Variants in BCL2 observed in about 807,000 individuals in gnomAD.
BCL2 encodes apoptosis regulator Bcl-2.
Under a neutral mutation model 14.2 loss-of-function variants are expected in BCL2, and 1 was observed. The observed-to-expected ratio is 0.07, with a 90% CI of 0.02 to 0.33. BCL2 has a LOEUF of 0.33. BCL2 is among the 10% of genes least tolerant of loss of function. The probability of loss-of-function intolerance (pLI) is 0.99; values close to 1 mark genes in which losing one functional copy is unlikely to be tolerated. For synonymous variants in BCL2, 151 were observed against 137.2 expected (o/e 1.10, Z -0.70); for missense variants, 247 against 305.9 (o/e 0.81, Z 1.44).
chr18:63,231,255 C>CCTA (rs1387456736), intron 2 of BCL2, among the ~76,000 whole-genome samples: 1 of 151,746 alleles, frequency 6.6e-6, no homozygotes, highest in East Asian at 1.9e-4. Context: ...CTCCTAAGAA[C>CCTA]CTACAAGAAA....
chr18:63,153,673 A>G (rs1479492562), intron 2 of BCL2, among the ~76,000 whole-genome samples: 1 of 152,220 alleles, frequency 6.6e-6, no homozygotes, highest in African/African-American at 2.4e-5. Flanking sequence ...GTCAGGGCAG[A>G]GCGGCCAGCC....
At chr18:63,155,930 C>A (rs1308570757) in intron 2 of BCL2, among the ~76,000 whole-genome samples, 2 of 152,142 alleles carry the variant, frequency 1.3e-5, no homozygotes, top group African/African-American at 4.8e-5. Context: ...CCCGCCTCCC[C>A]AGCCAGTGTG....
intron 2 of BCL2, among the ~76,000 whole-genome samples, chr18:63,187,042 C>G (rs938975147): frequency 6.6e-6 from 1 of 151,948 alleles, no homozygotes; most frequent in African/African-American, 2.4e-5. Context: ...CCTGTTTTTG[C>G]AAAAAGGATA....
At chr18:63,285,843 T>G (rs1231030426) in intron 2 of BCL2, among the ~76,000 whole-genome samples, 1 of 152,214 alleles carries the variant, frequency 6.6e-6, no homozygotes, top group African/African-American at 2.4e-5. Context: ...AGCATGTCTT[T>G]GTGGTCCATG....
At chr18:63,281,666 C>CAGAAAGAA (rs11271898) in intron 2 of BCL2, among the ~76,000 whole-genome samples, 1,696 of 88,322 alleles carry the variant, frequency 0.019, 22 homozygotes, top group African/African-American at 0.035. Context: ...GACCTTGTCT[C>CAGAAAGAA]AGAAAGAAAG....
chr18:63,142,277 C>G (rs1914386105), intron 2 of BCL2, among the ~76,000 whole-genome samples: 1 of 152,238 alleles, frequency 6.6e-6, no homozygotes, highest in Non-Finnish European at 1.5e-5. Flanking sequence ...GATGCGGCAT[C>G]CTCAGCCAGC....
chr18:63,145,207 C>G (rs1266013242), intron 2 of BCL2, among the ~76,000 whole-genome samples: 4 of 152,240 alleles, frequency 2.6e-5, no homozygotes, highest in African/African-American at 9.6e-5. Flanking sequence ...TCCACAGTGG[C>G]AACTGGATTT....
intron 2 of BCL2, among the ~76,000 whole-genome samples, chr18:63,151,508 G>A (rs1175964903): frequency 1.4e-5 from 2 of 144,508 alleles, no homozygotes; most frequent in African/African-American, 2.6e-5. Context: ...AACAGATGAG[G>A]GGCTGGGGGC....
intron 2 of BCL2, among the ~76,000 whole-genome samples, chr18:63,257,499 A>C (rs1490739372): frequency 6.6e-6 from 1 of 152,252 alleles, no homozygotes; most frequent in Non-Finnish European, 1.5e-5. Context: ...ATAATCCAGG[A>C]GACAGAGTCA....
chr18:63,144,544 G>A (rs978634825), intron 2 of BCL2, among the ~76,000 whole-genome samples: 3 of 151,946 alleles, frequency 2.0e-5, no homozygotes, highest in East Asian at 1.9e-4. Context: ...CGGCTCCCCC[G>A]GAGCAATAAA....
Position 63,149,022 on chromosome 18 carries a change from C to A in BCL2, c.586-20263G>T, listed in dbSNP as rs1349411859. On this transcript the variant is annotated intron_variant, in intron 2 of 2. Coordinates refer to ENST00000333681, the MANE Select transcript of BCL2 (RefSeq NM_000633.3). The surrounding 1 kb of genome is among the most constrained non-coding windows in gnomAD (Gnocchi z 4.2). ...AATGTAGCTATGACTCCCAGCTAAA[C>A]GGGCCTGCCCAGAGCCACGAAGTCA... Among the ~76,000 whole-genome samples, 1 of 152,302 alleles carries A rather than the reference C, an allele frequency of 6.6e-6. No homozygotes were observed. Among genetic ancestry groups the A allele is most frequent in the African/African-American group, 2.4e-5 (1 of 41,562 alleles).
chr18:63,183,075 T>C (rs993040201), intron 2 of BCL2, among the ~76,000 whole-genome samples: 1 of 152,180 alleles, frequency 6.6e-6, no homozygotes, highest in Non-Finnish European at 1.5e-5. Flanking sequence ...GTCACACTGA[T>C]GGTGGGGCTC....
intron 2 of BCL2, among the ~76,000 whole-genome samples, chr18:63,136,132 C>T (rs543838119): frequency 6.6e-6 from 1 of 152,308 alleles, no homozygotes; most frequent in South Asian, 2.1e-4. Context: ...TCGATGCTGC[C>T]CATCAGGCTT....
chr18:63,318,823 T>C lies in BCL2; in HGVS notation c.-157A>G. On this transcript the variant is annotated 5_prime_UTR_variant, in exon 2 of 3. Transcript: ENST00000333681. The surrounding 1 kb of genome is among the most constrained non-coding windows in gnomAD (Gnocchi z 7.4). ...GGGTGTCTTCAATCACGCGGAACAC[T>C]TGATTCTGGTGTTTCCCCCTTGGCA... The C allele has an allele frequency of 7.0e-7, 1 of 1,432,366 alleles. No homozygotes were observed. Among genetic ancestry groups the C allele is most frequent in the Non-Finnish European group, 9.2e-7 (1 of 1,091,800 alleles). The allele number at this position is 1,432,366 out of a possible 1,614,324, so 88.7% of individuals were successfully genotyped here.
intron 2 of BCL2, among the ~76,000 whole-genome samples, chr18:63,154,340 C>G (rs1914721611): frequency 6.6e-6 from 1 of 152,234 alleles, no homozygotes; most frequent in African/African-American, 2.4e-5. Context: ...AACCGATCTT[C>G]CCTCATCTTG....
intron 2 of BCL2, among the ~76,000 whole-genome samples, chr18:63,305,007 A>G (rs1353869516): frequency 6.6e-6 from 1 of 152,178 alleles, no homozygotes; most frequent in Non-Finnish European, 1.5e-5. Flanking sequence ...TTCAAGTGTT[A>G]GAGACCTCGC....
intron 2 of BCL2, among the ~76,000 whole-genome samples, chr18:63,209,533 AACCCAATACACTGT>A (rs1414728387): frequency 6.6e-6 from 1 of 152,156 alleles, no homozygotes; most frequent in Non-Finnish European, 1.5e-5. Context: ...ATAAATCCTC[AACCCAATACACTGT>A]ACCCAATACA....
At chr18:63,221,513 T>C (rs1910390782) in intron 2 of BCL2, among the ~76,000 whole-genome samples, 1 of 152,214 alleles carries the variant, frequency 6.6e-6, no homozygotes, top group Non-Finnish European at 1.5e-5. Flanking sequence ...AGAGCTTTTA[T>C]GTAAGGCTGA....
chr18:63,319,987 C>A (rs1913650151), upstream of BCL2: 4 of 152,072 alleles, frequency 2.6e-5, no homozygotes, highest in Admixed American at 1.3e-4. Flanking sequence ...CCGCTCCGAG[C>A]GCTGACGGCC....
Sources: allele counts gnomAD v4.1 joint callset (sites outside exome capture counted in the v4.1 genomes callset), GRCh38; gene constraint gnomAD v4.1.1; non-coding constraint Gnocchi (gnomAD v3.1); transcripts MANE v1.5; gene names NCBI Gene and HGNC (gene_info 2026-07-23, HGNC 2026-07-21).